Variants in SNTG1 observed in about 807,000 individuals in gnomAD.
SNTG1 encodes the protein gamma-1-syntrophin.
Under a neutral mutation model 74.7 loss-of-function variants are expected in SNTG1, and 39 were observed. The observed-to-expected ratio is 0.52, with a 90% CI of 0.40 to 0.68. The LOEUF (loss-of-function observed/expected upper bound fraction) is 0.68. SNTG1 is among the 30% of genes least tolerant of loss of function. The pLI is 0.00. For missense variants in SNTG1, 685 were observed against 609.5 expected, an observed-to-expected ratio of 1.12 and a Z score of -1.30; for synonymous variants, 254 against 217.1, an observed-to-expected ratio of 1.17 and a Z score of -1.49.
intron 1 of SNTG1, among the ~76,000 whole-genome samples, chr8:50,005,945 A>G (rs1258159073): frequency 9.3e-6 from 1 of 106,968 alleles, no homozygotes; most frequent in Non-Finnish European, 2.0e-5. Context: ...TTTCATTTCC[A>G]TTACTTGCAC....
chr8:50,762,476 G>T (rs1184968506), intron 18 of SNTG1: 6 of 342,548 alleles, frequency 1.8e-5, no homozygotes, highest in Non-Finnish European at 2.3e-5. Context: ...AATAAATAAG[G>T]CAGTGGCCAA....
chr8:50,228,748 C>T (rs564969486), intron 2 of SNTG1, among the ~76,000 whole-genome samples: 1 of 151,642 alleles, frequency 6.6e-6, no homozygotes, highest in African/African-American at 2.4e-5. Flanking sequence ...GAATTCATCA[C>T]TAGAAAATAT....
intron 2 of SNTG1, among the ~76,000 whole-genome samples, chr8:50,331,712 A>G (rs1168705523): frequency 1.3e-5 from 2 of 152,188 alleles, no homozygotes; most frequent in Non-Finnish European, 2.9e-5. Context: ...GCTTGCTGGT[A>G]TAGAGAAGGA....
intron 3 of SNTG1, among the ~76,000 whole-genome samples, chr8:50,397,938 G>A (rs941403089): frequency 3.3e-5 from 5 of 152,122 alleles, no homozygotes; most frequent in Non-Finnish European, 5.9e-5. Context: ...CACACAGTGA[G>A]CACTATATAA....
intron 4 of SNTG1, among the ~76,000 whole-genome samples, chr8:50,433,272 T>G (rs1021913074): frequency 6.6e-6 from 1 of 152,164 alleles, no homozygotes; most frequent in Non-Finnish European, 1.5e-5. Flanking sequence ...TCTTTGGGAT[T>G]TTATACGTTG....
Position 49,911,696 on chromosome 8 carries a change from T to TC in SNTG1, c.-637dup, listed in dbSNP as rs1805596881. The TC allele has an allele frequency of 6.6e-6, 1 of 152,212 alleles. No individual in the cohort carries two copies. Among genetic ancestry groups the TC allele is most frequent in the Admixed American group, 6.5e-5 (1 of 15,268 alleles). 9.4% of individuals were successfully genotyped at this position (152,212 alleles called of 1,614,324 possible). A position where few individuals can be genotyped will look rare whatever the true frequency, so the allele number is the denominator to read the frequency against. On this transcript the variant is annotated 5_prime_UTR_variant, in exon 1 of 19. Transcript: ENST00000642720. ...GCTTAGGGGCTCCCGTCCCCTTACT[T>TC]CAGCACCAGAGGGGATGGACAGCGT... is the stretch of plus-strand genomic sequence containing the variant.
At chr8:50,607,126 T>A (rs976622472) in intron 13 of SNTG1, among the ~76,000 whole-genome samples, 1 of 151,906 alleles carries the variant, frequency 6.6e-6, no homozygotes, top group African/African-American at 2.4e-5. Context: ...CTAACTTATT[T>A]TTTACTTTTT....
At chr8:50,692,523 C>G (rs770512410) in intron 15 of SNTG1, among the ~76,000 whole-genome samples, 14 of 152,162 alleles carry the variant, frequency 9.2e-5, no homozygotes. Flanking sequence ...CACTCCAGAC[C>G]CTGTTTGCCT....
At chr8:50,786,434 C>T (rs2095675417) in intron 18 of SNTG1, among the ~76,000 whole-genome samples, 1 of 151,944 alleles carries the variant, frequency 6.6e-6, no homozygotes. Context: ...TATGACAATA[C>T]TCCAAAATTA....
At chr8:50,660,308 AGAGACAGT>A (rs2095212798) in intron 15 of SNTG1, among the ~76,000 whole-genome samples, 2 of 150,098 alleles carry the variant, frequency 1.3e-5, no homozygotes, top group African/African-American at 5.0e-5. Context: ...AGAAAGAAAG[AGAGACAGT>A]AAGAAGGAAA....
chr8:50,340,436 T>A (rs2091285304), intron 2 of SNTG1, among the ~76,000 whole-genome samples: 1 of 152,016 alleles, frequency 6.6e-6, no homozygotes. Flanking sequence ...TGTAGTCAAT[T>A]GATCTTGACA....
chr8:50,107,137 G>A (rs1479520676), intron 1 of SNTG1, among the ~76,000 whole-genome samples: 1 of 152,160 alleles, frequency 6.6e-6, no homozygotes, highest in Admixed American at 6.6e-5. Flanking sequence ...TGCAGTTAAT[G>A]TCCACTAAAG....
intron 1 of SNTG1, among the ~76,000 whole-genome samples, chr8:49,970,996 G>A (rs1454292988): frequency 6.6e-6 from 1 of 151,862 alleles, no homozygotes; most frequent in Non-Finnish European, 1.5e-5. Flanking sequence ...AGAAAAAGAG[G>A]GAATCCTCCC....
intron 15 of SNTG1, among the ~76,000 whole-genome samples, chr8:50,660,405 GAAAGAAAAGAAAGAAAGAAAGAAGA>G (rs1206590712): frequency 8.5e-5 from 1 of 11,830 alleles, no homozygotes; most frequent in Non-Finnish European, 2.2e-4. Flanking sequence ...AAAAGAGAAA[GAAAGAAAAGAAAGAAAGAAAGAAGA>G]AAGAAAGAAA....
intron 2 of SNTG1, among the ~76,000 whole-genome samples, chr8:50,198,939 C>G (rs1271672629): frequency 6.6e-6 from 1 of 152,132 alleles, no homozygotes; most frequent in African/African-American, 2.4e-5. Flanking sequence ...CCTGGTCACA[C>G]TGTTTTTATT....
rs368298460 is a variant in SNTG1, at chr8:50,089,098, G to A, written c.-102-83463G>A. On this transcript the variant is annotated intron_variant, in intron 1 of 18. Transcript: ENST00000642720. ...ACAGAACAGAGCCCTCAGAAATAAC[G>A]CCGCATATCTACAACTATCTGATCT... Among the ~76,000 whole-genome samples, 8 of 151,150 alleles carry A rather than the reference G, an allele frequency of 5.3e-5. No individual in the cohort carries two copies. In the East Asian group the frequency reaches 1.6e-3, roughly 29 times the overall value.
chr8:50,690,279 C>A (rs1010516201), intron 15 of SNTG1, among the ~76,000 whole-genome samples: 3 of 151,962 alleles, frequency 2.0e-5, no homozygotes, highest in African/African-American at 4.8e-5. Context: ...TTATTTATTG[C>A]CTTCTGCTAG....
chr8:50,637,668 T>A (rs188880726), intron 13 of SNTG1, among the ~76,000 whole-genome samples: 97 of 152,264 alleles, frequency 6.4e-4, no homozygotes, highest in African/African-American at 2.0e-3. Flanking sequence ...GGATGCATTA[T>A]CTTATTGATG....
intron 1 of SNTG1, among the ~76,000 whole-genome samples, chr8:50,097,489 T>G (rs995052640): frequency 1.3e-5 from 2 of 152,124 alleles, no homozygotes; most frequent in Non-Finnish European, 1.5e-5. Flanking sequence ...TAGTCAATTT[T>G]GAAACTAAGG....
Sources: gnomAD v4.1 joint callset for allele counts (sites outside exome capture counted in the v4.1 genomes callset) on GRCh38, gnomAD v4.1.1 for gene constraint, MANE v1.5 for transcripts, NCBI Gene and HGNC (gene_info 2026-07-23, HGNC 2026-07-21) for gene names.